Variants in DOCK6 observed in about 807,000 individuals in gnomAD.
DOCK6 encodes the protein dedicator of cytokinesis 6, also known as dedicator of cytokinesis protein 6.
DOCK6 carries 167 observed loss-of-function variants against 230.3 expected under a neutral mutation model. The observed-to-expected ratio is 0.73, with a 90% CI of 0.64 to 0.82. DOCK6 has a LOEUF of 0.82. Ranked by LOEUF, DOCK6 falls within the 40% of genes least tolerant of loss-of-function variation. The pLI, the probability that DOCK6 is intolerant of heterozygous loss-of-function variation, is 0.00. For synonymous variants in DOCK6, 1,148 were observed against 1,185.0 expected (o/e 0.97, Z 0.64); for missense variants, 2,598 against 2,825.8 (o/e 0.92, Z 1.83).
Position 11,215,837 on chromosome 19 carries a change from T to C in DOCK6, c.3985A>G (p.Ile1329Val). Residue 1329 changes from isoleucine to valine, a missense_variant, in exon 31 of 48, where the codon ATC becomes GTC. Coordinates refer to ENST00000294618, the MANE Select transcript of DOCK6 (RefSeq NM_020812.4). ...ARLEEAILGT[I>V]GARQEMVRRS... ...CGAACCATTTCTTGTCGAGCTCCGA[T>C]GGTACCCAGAATGGCTTCCTCTAGC... is the stretch of plus-strand genomic sequence containing the variant. The C allele has an allele frequency of 6.2e-7, 1 of 1,614,018 alleles. No individual in the cohort carries two copies.
intron 37 of DOCK6, among the ~76,000 whole-genome samples, chr19:11,210,586 C>G (rs1012029921): frequency 6.8e-6 from 1 of 146,742 alleles, no homozygotes; most frequent in Non-Finnish European, 1.5e-5. Context: ...CCTCACCTGT[C>G]CATCCCTTCA....
chr19:11,259,402 G>A (rs749559202), intron 1 of DOCK6, among the ~76,000 whole-genome samples: 6 of 151,694 alleles, frequency 4.0e-5, no homozygotes, highest in Non-Finnish European at 8.8e-5. Flanking sequence ...ATATATGTAT[G>A]TGCTTGTGTT....
intron 4 of DOCK6, 22 bp from the exon 5 acceptor site, chr19:11,252,270 C>G (rs1366923434): frequency 2.5e-6 from 4 of 1,577,226 alleles, no homozygotes; most frequent in Non-Finnish European, 2.6e-6. Context: ...CGGGGCTGGG[C>G]AGGTAGGGAG....
chr19:11,234,297 G>C (rs10421382), intron 21 of DOCK6, among the ~76,000 whole-genome samples: 51,254 of 150,922 alleles, frequency 0.34, 12,174 homozygotes, highest in African/African-American at 0.68. Context: ...TGTGCCTGGC[G>C]TATTTTATTT....
intron 41 of DOCK6, chr19:11,203,636 G>A: frequency 5.2e-6 from 1 of 191,112 alleles, no homozygotes; most frequent in African/African-American, 2.3e-5. Flanking sequence ...ACATTAACCA[G>A]AAATGAGGAG....
At chr19:11,237,886 G>A (rs1447370801) in intron 16 of DOCK6, 107 bp from the exon 17 acceptor site, 2 of 1,423,118 alleles carry the variant, frequency 1.4e-6, no homozygotes, top group Non-Finnish European at 1.9e-6. Context: ...CACTGTCTCT[G>A]CTGTCTGCCT....
chr19:11,202,955 A>G lies in DOCK6; in HGVS notation c.5236-246T>C, dbSNP rs976765313. Among the ~76,000 whole-genome samples the G allele has an allele frequency of 6.6e-6, 1 of 152,196 alleles. No individual in the cohort carries two copies. The highest frequency in any genetic ancestry group is 1.5e-5 in the Non-Finnish European group (1 of 68,036). ...GGACAGGGTATACAGCAGGTACCCA[A>G]TACATGCATAGATGGCTGAGGAGAG... On this transcript the variant is annotated intron_variant, in intron 41 of 47. Coordinates refer to ENST00000294618, the MANE Select transcript of DOCK6 (RefSeq NM_020812.4). The surrounding 1 kb of genome is among the most constrained non-coding windows in gnomAD (Gnocchi z 5.3).
intron 1 of DOCK6, 146 bp from the exon 2 acceptor site, chr19:11,253,872 C>T: frequency 3.5e-6 from 2 of 570,388 alleles, no homozygotes; most frequent in Non-Finnish European, 6.1e-6. Context: ...GCTTTAAGGG[C>T]CCACAGCTCC....
At chr19:11,240,108 A>G (rs1318750771) in intron 14 of DOCK6, 1 of 1,551,276 alleles carries the variant, frequency 6.4e-7, no homozygotes, top group African/African-American at 1.4e-5. Flanking sequence ...TGGACATCCT[A>G]CTAGTGACCC....
chr19:11,210,278 CT>C (rs2079355829), intron 37 of DOCK6, among the ~76,000 whole-genome samples: 1 of 149,460 alleles, frequency 6.7e-6, no homozygotes, highest in Non-Finnish European at 1.5e-5. Context: ...TGTTCATCCC[CT>C]CACTGTCTCT....
intron 37 of DOCK6, among the ~76,000 whole-genome samples, chr19:11,210,245 T>C: frequency 8.9e-6 from 1 of 112,466 alleles, no homozygotes; most frequent in Non-Finnish European, 1.8e-5. Context: ...CCTCACTGTC[T>C]CTTCACCTGT....
At position 11,232,209 on chromosome 19, in the gene DOCK6, A is replaced by C. The variant is rs1044426964; in HGVS notation, c.2718+994T>G. The C allele has an allele frequency of 1.2e-4, 159 of 1,288,102 alleles. No individual in the cohort carries two copies. In the African/African-American group the frequency reaches 2.3e-3, roughly 19 times the overall value. 79.8% of individuals were successfully genotyped at this position (1,288,102 alleles called of 1,614,324 possible). A position where few individuals can be genotyped will look rare whatever the true frequency, so the allele number is the denominator to read the frequency against. On this transcript the variant is annotated intron_variant, in intron 22 of 47. Transcript: ENST00000294618. ...CCTGTCTGGGGTCGGCCCCACAATA[A>C]GGGGGCGCCCGCCGCAGCACAGCCT...
rs58543390 is a variant in DOCK6 at position 11,231,758 on chromosome 19, C to T, written c.2718+1445G>A. ...TTTGGAGGCAAAGCGTCCCCCTACA[C>T]CAGGTACCTGGAAAGAGGCAGGGTA... On this transcript the variant is annotated intron_variant, in intron 22 of 47. Coordinates refer to ENST00000294618, the MANE Select transcript of DOCK6 (RefSeq NM_020812.4). Among the ~76,000 whole-genome samples the T allele has an allele frequency of 3.9e-4, 60 of 152,274 alleles. 1 individual carries two copies. In the East Asian group the frequency reaches 9.1e-3, roughly 23 times the overall value.
At position 11,255,471 on chromosome 19, in the gene DOCK6, G is replaced by T. The variant is rs2080183404; in HGVS notation, c.45-1745C>A. Among the ~76,000 whole-genome samples the T allele has an allele frequency of 2.0e-5, 3 of 151,864 alleles. No homozygotes were observed. In the South Asian group the frequency reaches 6.2e-4, roughly 32 times the overall value. Reference sequence around the variant, plus strand: ...TGTGATTACAGGTGTGCACCACCATGCCTGGTTAATCTTTCTATTTTCAGT... The same window carrying T: ...TGTGATTACAGGTGTGCACCACCATTCCTGGTTAATCTTTCTATTTTCAGT... On this transcript the variant is annotated intron_variant, in intron 1 of 47. Transcript: ENST00000294618.
Position 11,238,320 on chromosome 19 carries a change from TG to T in DOCK6, c.1644-17del. ...CAGCAGGTTCCTGTGGGGGGCAGGA[TG>T]GGGGTGTCAGAGGGACAGGGGCCCT... On this transcript the variant is annotated splice_polypyrimidine_tract_variant and intron_variant, in intron 14 of 47. Coordinates refer to ENST00000294618, the MANE Select transcript of DOCK6 (RefSeq NM_020812.4). 1 of 1,580,176 alleles carries T rather than the reference TG, an allele frequency of 6.3e-7. No homozygotes were observed.
At chr19:11,257,234 T>C (rs1174684489) in intron 1 of DOCK6, among the ~76,000 whole-genome samples, 1 of 151,362 alleles carries the variant, frequency 6.6e-6, no homozygotes, top group Non-Finnish European at 1.5e-5. Context: ...TGACCTTCCG[T>C]GATCTTCCCG....
chr19:11,210,700 A>G lies in DOCK6; in HGVS notation c.4751+1076T>C, dbSNP rs954416806. ...CATCTGTCCACCCCTTTACCTATCT[A>G]CCCCTCACCTGTCCATCCTTTCACT... On this transcript the variant is annotated intron_variant, in intron 37 of 47. Transcript: ENST00000294618. 6.4e-5 allele frequency among the ~76,000 whole-genome samples: 6 copies of G among 93,272 alleles called. No individual in the cohort carries two copies. The East Asian group carries it at 1.3e-3, about 19-fold the overall frequency. 61.2% of individuals were successfully genotyped at this position (93,272 alleles called of 152,430 possible). A position where few individuals can be genotyped will look rare whatever the true frequency, so the allele number is the denominator to read the frequency against.
chr19:11,200,662 G>T lies in DOCK6; in HGVS notation c.5939+54C>A. 1 of 1,532,256 alleles carries T rather than the reference G, an allele frequency of 6.5e-7. No homozygotes were observed. Among genetic ancestry groups the T allele is most frequent in the Non-Finnish European group, 8.9e-7 (1 of 1,128,378 alleles). The allele number at this position is 1,532,256 out of a possible 1,614,324, so 94.9% of individuals were successfully genotyped here. A position where few individuals can be genotyped will look rare whatever the true frequency, so the allele number is the denominator to read the frequency against. ...GCAGAGATCAGATGGGCAGAGAGCAGGCCTATGCAGGTTAGGCAGACACGA... is the reference window on the plus strand; with the variant it reads ...GCAGAGATCAGATGGGCAGAGAGCATGCCTATGCAGGTTAGGCAGACACGA... On this transcript the variant is annotated intron_variant, in intron 46 of 47. Transcript: ENST00000294618. This position sits in a 1 kb window ranked among gnomAD's most constrained non-coding sequence, Gnocchi z 4.3.
intron 28 of DOCK6, among the ~76,000 whole-genome samples, chr19:11,219,630 T>C (rs1213512503): frequency 1.3e-5 from 2 of 151,236 alleles, no homozygotes; most frequent in Non-Finnish European, 2.9e-5. Context: ...CTCCTAAAAA[T>C]ACAAAAAAAA....
Sources: allele counts gnomAD v4.1 joint callset (sites outside exome capture counted in the v4.1 genomes callset), GRCh38; gene constraint gnomAD v4.1.1; non-coding constraint Gnocchi (gnomAD v3.1); transcripts MANE v1.5; gene names NCBI Gene and HGNC (gene_info 2026-07-23, HGNC 2026-07-21).